The following MACF1 variants were observed in gnomAD, a reference collection of about 807,000 sequenced individuals.
The protein encoded by MACF1 is microtubule-actin cross-linking factor 1.
MACF1 carries 193 observed loss-of-function variants against 854.8 expected under a neutral mutation model. The ratio of observed to expected loss-of-function variants is 0.23; its 90% CI spans 0.20 to 0.25. The LOEUF (loss-of-function observed/expected upper bound fraction) is 0.25. Ranked by LOEUF, MACF1 falls within the 10% of genes least tolerant of loss-of-function variation. The pLI is 1.00. For synonymous variants in MACF1, 3,185 were observed against 3,226.7 expected (o/e 0.99, Z 0.44); for missense variants, 7,722 against 8,929.1 (o/e 0.86, Z 5.45).
At chr1:39,280,681 G>A (rs757326881) in intron 6 of MACF1, among the ~76,000 whole-genome samples, 1 of 152,038 alleles carries the variant, frequency 6.6e-6, no homozygotes, top group African/African-American at 2.4e-5. Context: ...GGGTTCAAGC[G>A]ATTCTCGTGC....
rs890992694 is a variant in MACF1, at chr1:39,331,104, G to A, written c.4615-99G>A. 1.7e-5 allele frequency: 24 copies of A among 1,426,400 alleles called. No homozygotes were observed. In the African/African-American group the frequency reaches 3.2e-4, roughly 19 times the overall value. The allele number at this position is 1,426,400 out of a possible 1,614,324, so 88.4% of individuals were successfully genotyped here. A position where few individuals can be genotyped will look rare whatever the true frequency, so the allele number is the denominator to read the frequency against. ...CCTGGCCTGTATACTATAGTTCTTT[G>A]AATGACTCCTTTCAATAGTTGTGCT... On this transcript the variant is annotated intron_variant, in intron 36 of 100. Transcript: ENST00000564288.
rs1260490910 is a variant in MACF1, at chr1:39,448,649, C to G, written c.20144C>G (p.Thr6715Ser). The change falls in exon 84 of 101, where the codon ACT becomes AGT. Residue 6715 changes from threonine (T) to serine (S), a missense_variant. Coordinates refer to ENST00000564288, the MANE Select transcript of MACF1 (RefSeq NM_001394062.1). ...CCTGTGTATGATACCACAATTAGAA[C>G]TGGCAGAGCACTGAAAGAAAAGACT... Reference protein sequence around the residue: ...KQPVYDTTIRTGRALKEKTLL... With the variant: ...KQPVYDTTIRSGRALKEKTLL... The G allele has an allele frequency of 6.2e-7, 1 of 1,612,638 alleles. No individual in the cohort carries two copies. The highest frequency in any genetic ancestry group is 8.5e-7 in the Non-Finnish European group (1 of 1,179,140).
chr1:39,345,701 A>G (rs1647029365), intron 40 of MACF1, among the ~76,000 whole-genome samples: 1 of 152,240 alleles, frequency 6.6e-6, no homozygotes, highest in Non-Finnish European at 1.5e-5. Flanking sequence ...ATACAAATAG[A>G]AATTTGAACC....
intron 3 of MACF1, 103 bp from the exon 4 acceptor site, chr1:39,251,743 T>C (rs1645042226): frequency 1.7e-6 from 1 of 577,136 alleles, no homozygotes; most frequent in Non-Finnish European, 2.6e-6. Context: ...ATTTTCATAT[T>C]TGTTTTTCCT....
chr1:39,429,961 T>A lies in MACF1; in HGVS notation c.17023T>A (p.Tyr5675Asn). ...GCTGGCCACCAAGTTCCAGTCTACT[T>A]ATGAGGAACTGACCGGGTGGCTGAG... is the stretch of plus-strand genomic sequence containing the variant. ...RQLATKFQSTYEELTGWLREV... is the reference protein window; with the variant it reads ...RQLATKFQSTNEELTGWLREV... Residue 5675 changes from tyrosine to asparagine, a missense_variant, in exon 65 of 101, where the codon TAT becomes AAT. This residue lies in a region of MACF1 where 2,807 missense variants were observed against 3,235.8 expected (regional missense o/e 0.87). Coordinates refer to ENST00000564288, the MANE Select transcript of MACF1 (RefSeq NM_001394062.1). The A allele has an allele frequency of 6.2e-7, 1 of 1,613,994 alleles. No individual in the cohort carries two copies. The highest frequency in any genetic ancestry group is 1.1e-5 in the South Asian group (1 of 91,062).
At chr1:39,214,807 T>G (rs1333104210) in intron 1 of MACF1, among the ~76,000 whole-genome samples, 1 of 152,142 alleles carries the variant, frequency 6.6e-6, no homozygotes, top group African/African-American at 2.4e-5. Context: ...TCATGAGACC[T>G]TCTCATTTGG....
At chr1:39,321,056 A>G (rs530872607) in intron 31 of MACF1, among the ~76,000 whole-genome samples, 2 of 152,346 alleles carry the variant, frequency 1.3e-5, no homozygotes, top group South Asian at 2.1e-4. Context: ...CAAGGGAGCA[A>G]AGTTTTTCCT....
At chr1:39,093,999 GAA>G (rs1641876530) in intron 2 of MACF1, among the ~76,000 whole-genome samples, 1 of 150,492 alleles carries the variant, frequency 6.6e-6, no homozygotes, top group East Asian at 2.0e-4. Flanking sequence ...GGCTGGTCTC[GAA>G]CTCCTGACCT....
chr1:39,243,321 A>T (rs547824747), intron 2 of MACF1, among the ~76,000 whole-genome samples: 1 of 152,322 alleles, frequency 6.6e-6, no homozygotes, highest in East Asian at 1.9e-4. Flanking sequence ...TCATTTGTTG[A>T]CAGAATGGTA....
chr1:39,221,733 T>G (rs1222378035), intron 1 of MACF1, among the ~76,000 whole-genome samples: 1 of 152,222 alleles, frequency 6.6e-6, no homozygotes, highest in Non-Finnish European at 1.5e-5. Flanking sequence ...GTACCTGCCC[T>G]CTTCTTTACT....
intron 6 of MACF1, chr1:39,268,606 T>C (rs1180220914): frequency 1.3e-5 from 15 of 1,191,290 alleles, no homozygotes; most frequent in Admixed American, 3.6e-5. Flanking sequence ...TTTTTAAATG[T>C]GCATCGAATC....
chr1:39,250,009 C>T lies in MACF1; in HGVS notation c.172-5C>T, dbSNP rs1340658402. 1.3e-6 allele frequency: 2 copies of T among 1,587,346 alleles called. No individual in the cohort carries two copies. ...AAAATCTGTCTGTTTCACTCTCATT[C>T]ACAGGTCCGCAAGCACATCAATGAT... On this transcript the variant is annotated splice_region_variant and splice_polypyrimidine_tract_variant and intron_variant, in intron 2 of 100. Transcript: ENST00000564288.
chr1:39,318,281 A>ACT (rs1216142333), intron 29 of MACF1, among the ~76,000 whole-genome samples, 172 bp from the exon 30 acceptor site: 9 of 152,188 alleles, frequency 5.9e-5, no homozygotes, highest in Non-Finnish European at 1.3e-4. Flanking sequence ...ACCATAGGGC[A>ACT]CTGGTACATG....
In MACF1 at chr1:39,333,169, C is replaced by T; in HGVS notation, c.6581C>T (p.Pro2194Leu). ...GAAACTGGAGGATCTCACATAAAAC[C>T]CCAAAGCAAAAAGTTACAAGTTCAG... Reference protein sequence around the residue: ...HDETGGSHIKPQSKKLQVQVK... With the variant: ...HDETGGSHIKLQSKKLQVQVK... Residue 2194 changes from proline (P) to leucine (L), a missense_variant, in exon 37 of 101, where the codon CCC (proline) becomes CTC (leucine). Pro to Leu is a moderately conservative substitution (Grantham distance 98). Transcript: ENST00000564288. 6.2e-6 allele frequency: 10 copies of T among 1,612,568 alleles called. No individual in the cohort carries two copies. The highest frequency in any genetic ancestry group is 8.5e-6 in the Non-Finnish European group (10 of 1,179,738).
At chr1:39,465,065 C>T (rs1225096641) in intron 94 of MACF1, 30 bp from the exon 95 acceptor site, 1 of 1,604,290 alleles carries the variant, frequency 6.2e-7, no homozygotes. Flanking sequence ...CCCCTCCTTT[C>T]CTCCATCCTT....
In MACF1 at chr1:39,331,735, G is replaced by C. The variant is rs780441937; in HGVS notation, c.5147G>C (p.Arg1716Pro). Residue 1716 changes from arginine (R) to proline (P), a missense_variant, in exon 37 of 101, where the codon CGA (arginine) becomes CCA (proline). Coordinates refer to ENST00000564288, the MANE Select transcript of MACF1 (RefSeq NM_001394062.1). ...EKIGLLDLMQ[R>P]CIVHQESGFK... Reference sequence around the variant, plus strand: ...ATTGGTTTGCTGGATCTGATGCAGCGATGTATTGTCCACCAGGAATCAGGA... The same window carrying C: ...ATTGGTTTGCTGGATCTGATGCAGCCATGTATTGTCCACCAGGAATCAGGA... 3.7e-6 allele frequency: 6 copies of C among 1,614,142 alleles called. No individual in the cohort carries two copies. The highest frequency in any genetic ancestry group is 5.1e-6 in the Non-Finnish European group (6 of 1,180,016).
At chr1:39,463,260 GC>G (rs1414177751) in intron 93 of MACF1, among the ~76,000 whole-genome samples, 1 of 152,198 alleles carries the variant, frequency 6.6e-6, no homozygotes, top group East Asian at 1.9e-4. Context: ...GCTGAGGCAG[GC>G]GGATCACCTG....
chr1:39,368,680 T>G (rs1328898253), intron 50 of MACF1, among the ~76,000 whole-genome samples: 1 of 151,954 alleles, frequency 6.6e-6, no homozygotes, highest in Non-Finnish European at 1.5e-5. Context: ...TTTTGCATTT[T>G]TAGTAGAGAC....
At chr1:39,321,759 C>A (rs910665880) in intron 31 of MACF1, among the ~76,000 whole-genome samples, 1 of 152,134 alleles carries the variant, frequency 6.6e-6, no homozygotes, top group African/African-American at 2.4e-5. Context: ...AATCTCAGAC[C>A]TGCTGAATCA....
Sources: allele counts gnomAD v4.1 joint callset (sites outside exome capture counted in the v4.1 genomes callset), GRCh38; gene constraint gnomAD v4.1.1; regional missense constraint gnomAD v4.1.1; transcripts MANE v1.5; gene names NCBI Gene and HGNC (gene_info 2026-07-23, HGNC 2026-07-21).